The following KIFC3 variants were observed in gnomAD, a reference collection of about 807,000 sequenced individuals.
KIFC3 encodes kinesin family member C3.
Under a neutral mutation model 101.8 loss-of-function variants are expected in KIFC3, and 60 were observed. The ratio of observed to expected loss-of-function variants is 0.59; its 90% CI spans 0.48 to 0.73. KIFC3 has a LOEUF of 0.73. Ranked by LOEUF, KIFC3 falls within the 30% of genes least tolerant of loss-of-function variation. The pLI, the probability that KIFC3 is intolerant of heterozygous loss-of-function variation, is 0.00. For synonymous variants in KIFC3, 476 were observed against 482.7 expected (o/e 0.99, Z 0.18); for missense variants, 966 against 1,137.1 (o/e 0.85, Z 2.16).
intron 3 of KIFC3, among the ~76,000 whole-genome samples, chr16:57,792,305 T>A (rs953805964): frequency 6.6e-6 from 1 of 152,192 alleles, no homozygotes; most frequent in Admixed American, 6.5e-5. Context: ...TTTGCCTTCA[T>A]CCCTTCGTGA....
intron 1 of KIFC3, among the ~76,000 whole-genome samples, chr16:57,837,495 A>T (rs2055711552): frequency 7.3e-6 from 1 of 137,678 alleles, no homozygotes; most frequent in African/African-American, 2.7e-5. Flanking sequence ...AGAGAGAAAG[A>T]CGGAAGGAAG....
upstream of KIFC3, chr16:57,803,314 T>G (rs2054849638): frequency 2.9e-6 from 2 of 685,346 alleles, no homozygotes; most frequent in African/African-American, 3.5e-5. Context: ...GGAGCCACTC[T>G]GTTCTTTGTC....
chr16:57,822,703 TAAATA>T (rs545348092), intron 1 of KIFC3, among the ~76,000 whole-genome samples: 4 of 151,630 alleles, frequency 2.6e-5, no homozygotes, highest in East Asian at 3.9e-4. Context: ...TCTCAAAAAA[TAAATA>T]AAATAAAATA....
chr16:57,831,532 G>GT (rs1398603792), intron 1 of KIFC3, among the ~76,000 whole-genome samples: 1 of 152,216 alleles, frequency 6.6e-6, no homozygotes, highest in Admixed American at 6.6e-5. Flanking sequence ...CAAAAATACT[G>GT]TTTTTTAATT....
intron 3 of KIFC3, chr16:57,776,343 A>T: frequency 3.0e-6 from 3 of 985,442 alleles, no homozygotes; most frequent in Non-Finnish European, 3.6e-6. Flanking sequence ...GGCCAGGCCT[A>T]TCTGTCCCCT....
intron 3 of KIFC3, chr16:57,776,193 T>C: frequency 1.0e-6 from 1 of 985,468 alleles, no homozygotes; most frequent in Non-Finnish European, 1.2e-6. Context: ...TCTCCCAGGC[T>C]GAAGCTGCTG....
intron 3 of KIFC3, chr16:57,788,772 G>A (rs868930998): frequency 1.7e-5 from 22 of 1,275,014 alleles, no homozygotes; most frequent in East Asian, 5.6e-5. Context: ...AAGGACCCTC[G>A]AGCCAGAGGA....
intron 1 of KIFC3, chr16:57,816,818 C>T (rs909056995): frequency 8.9e-6 from 4 of 451,282 alleles, no homozygotes; most frequent in African/African-American, 8.0e-5. Context: ...GAACCCATCC[C>T]ACCCCCAGTA....
chr16:57,776,901 A>G (rs1218159045), intron 3 of KIFC3: 1 of 152,262 alleles, frequency 6.6e-6, no homozygotes, highest in Admixed American at 6.5e-5. Context: ...ATTTTATGAC[A>G]AAAAGGAAGT....
At chr16:57,835,755 G>T (rs924310722) in intron 1 of KIFC3, among the ~76,000 whole-genome samples, 9 of 152,102 alleles carry the variant, frequency 5.9e-5, no homozygotes, top group Non-Finnish European at 1.0e-4. Context: ...TTCAAGACCA[G>T]CCTGGCCAAC....
intron 3 of KIFC3, among the ~76,000 whole-genome samples, chr16:57,780,830 A>G (rs919850245): frequency 6.6e-6 from 1 of 151,678 alleles, no homozygotes; most frequent in Non-Finnish European, 1.5e-5. Flanking sequence ...GTGCACCACC[A>G]TGCCCGGCTA....
chr16:57,786,257 G>A (rs1241180992), intron 3 of KIFC3, among the ~76,000 whole-genome samples: 2 of 152,158 alleles, frequency 1.3e-5, no homozygotes, highest in Non-Finnish European at 2.9e-5. Context: ...AGGATGAAGC[G>A]CAGGAACCTC....
intron 1 of KIFC3, among the ~76,000 whole-genome samples, chr16:57,848,407 G>T (rs2149323771): frequency 6.6e-6 from 1 of 152,252 alleles, no homozygotes; most frequent in Admixed American, 6.5e-5. Context: ...CAGGAGGATT[G>T]CTTGAGGTCA....
intron 3 of KIFC3, chr16:57,775,834 G>A: frequency 1.0e-6 from 1 of 985,596 alleles, no homozygotes. Flanking sequence ...TCAATCCAGG[G>A]CTGAGGACGG....
At chr16:57,841,621 C>T (rs770245903) in intron 1 of KIFC3, among the ~76,000 whole-genome samples, 2 of 152,096 alleles carry the variant, frequency 1.3e-5, no homozygotes, top group Non-Finnish European at 2.9e-5. Context: ...GATCTGAGAT[C>T]GTGCCACTGC....
At chr16:57,760,691 C>G (rs1555595567) in intron 16 of KIFC3, 35 bp downstream of exon 16, 2 of 1,560,014 alleles carry the variant, frequency 1.3e-6, no homozygotes, top group Admixed American at 3.3e-5. Context: ...CCCCTACATG[C>G]TAGGGACTGG....
intron 3 of KIFC3, among the ~76,000 whole-genome samples, chr16:57,787,507 C>T (rs983725519): frequency 9.2e-5 from 14 of 152,180 alleles, no homozygotes; most frequent in Admixed American, 8.5e-4. Flanking sequence ...GAGAAAAGAT[C>T]TCCAAGAAGC....
intron 14 of KIFC3, 100 bp from the exon 15 acceptor site, chr16:57,761,271 G>T (rs1555597237): frequency 1.3e-6 from 2 of 1,582,618 alleles, no homozygotes; most frequent in African/African-American, 2.7e-5. Flanking sequence ...ACCCTCCGCA[G>T]TTTAGATGAG....
At chr16:57,812,448 C>T (rs4784860) in intron 1 of KIFC3, among the ~76,000 whole-genome samples, 7,093 of 152,080 alleles carry the variant, frequency 0.047, 302 homozygotes, top group East Asian at 0.14. Flanking sequence ...AATCATCCCC[C>T]TCTAAGCAGC....
Sources: gnomAD v4.1 joint callset for allele counts (sites outside exome capture counted in the v4.1 genomes callset) on GRCh38, gnomAD v4.1.1 for gene constraint, MANE v1.5 for transcripts, NCBI Gene and HGNC (gene_info 2026-07-23, HGNC 2026-07-21) for gene names.